The following TMEM65 variants were observed in gnomAD, a reference collection of about 807,000 sequenced individuals.
TMEM65 encodes transmembrane protein 65.
TMEM65 carries 22 observed loss-of-function variants against 25.4 expected under a neutral mutation model. That is an observed-to-expected ratio of 0.86 (90% CI 0.62 to 1.23). TMEM65 has a LOEUF of 1.23. Ranked by LOEUF, TMEM65 falls within the 50% of genes most tolerant of loss-of-function variation. TMEM65 has a pLI of 0.00. For synonymous variants in TMEM65, 132 were observed against 126.2 expected, an observed-to-expected ratio of 1.05 and a Z score of -0.31; for missense variants, 262 against 308.2, an observed-to-expected ratio of 0.85 and a Z score of 1.12.
chr8:124,341,563 A>G (rs1814583742), intron 1 of TMEM65, among the ~76,000 whole-genome samples: 1 of 152,060 alleles, frequency 6.6e-6, no homozygotes, highest in African/African-American at 2.4e-5. Flanking sequence ...TGTTTTACCA[A>G]AGTAATTTCT....
At chr8:124,354,976 A>G (rs955704209) in intron 1 of TMEM65, among the ~76,000 whole-genome samples, 1 of 152,218 alleles carries the variant, frequency 6.6e-6, no homozygotes, top group Non-Finnish European at 1.5e-5. Flanking sequence ...GTAAAAAGGA[A>G]TAAAAAAATT....
intron 1 of TMEM65, among the ~76,000 whole-genome samples, chr8:124,352,630 T>C (rs1042281885): frequency 2.0e-5 from 3 of 152,122 alleles, no homozygotes; most frequent in East Asian, 3.9e-4. Context: ...CCTTAAAGTA[T>C]TGCAGGATTT....
chr8:124,355,929 T>A (rs1814774437), intron 1 of TMEM65, among the ~76,000 whole-genome samples: 1 of 151,518 alleles, frequency 6.6e-6, no homozygotes, highest in African/African-American at 2.4e-5. Flanking sequence ...ACTGGGGGAG[T>A]CCACACCTTC....
intron 5 of TMEM65, among the ~76,000 whole-genome samples, chr8:124,321,522 G>GT (rs2131197036): frequency 6.6e-6 from 1 of 152,192 alleles, no homozygotes; most frequent in African/African-American, 2.4e-5. Flanking sequence ...TCCTTAGTTT[G>GT]TTTCATTATT....
At chr8:124,356,276 G>A (rs983687385) in intron 1 of TMEM65, among the ~76,000 whole-genome samples, 6 of 152,062 alleles carry the variant, frequency 3.9e-5, no homozygotes, top group African/African-American at 7.2e-5. Flanking sequence ...TTAGGATAGC[G>A]GGTAATCACT....
chr8:124,339,191 CAAAAAAAAAAAAAAAA>C, intron 1 of TMEM65, among the ~76,000 whole-genome samples: 1 of 43,564 alleles, frequency 2.3e-5, no homozygotes, highest in East Asian at 8.2e-4. Context: ...GACTCTGTCT[CAAAAAAAAAAAAAAAA>C]AAAAAAAAAA....
intron 1 of TMEM65, among the ~76,000 whole-genome samples, chr8:124,355,392 C>T (rs1708835856): frequency 6.6e-6 from 1 of 152,174 alleles, no homozygotes; most frequent in Non-Finnish European, 1.5e-5. Flanking sequence ...ATGCCTGAAG[C>T]TACTATCTAC....
In TMEM65 at chr8:124,372,138, A is replaced by C; in HGVS notation, c.20T>G (p.Leu7Arg). 8.4e-7 allele frequency: 1 copy of C among 1,194,874 alleles called. No individual in the cohort carries two copies. Among genetic ancestry groups the C allele is most frequent in the Non-Finnish European group, 1.0e-6 (1 of 958,960 alleles). The allele number at this position is 1,194,874 out of a possible 1,614,324, so 74.0% of individuals were successfully genotyped here. A position where few individuals can be genotyped will look rare whatever the true frequency, so the allele number is the denominator to read the frequency against. ...GCTGCGCGCGGTCCGGCTCCTCAGC[A>C]GCGGCAGCAGCCGGGACATGGCGAG... MSRLLP[L>R]LRSRTARSLR... The change falls in exon 1 of 7, where the codon CTG becomes CGG. Residue 7 changes from leucine to arginine, a missense_variant. Leu to Arg is a moderately radical substitution (Grantham distance 102). Transcript: ENST00000297632.
chr8:124,329,056 A>G (rs1814400933), intron 2 of TMEM65, among the ~76,000 whole-genome samples: 1 of 152,050 alleles, frequency 6.6e-6, no homozygotes, highest in African/African-American at 2.4e-5. Context: ...AATAGGTATA[A>G]AATAGGTCAT....
At chr8:124,338,854 T>C (rs544938915) in intron 1 of TMEM65, among the ~76,000 whole-genome samples, 19 of 152,202 alleles carry the variant, frequency 1.2e-4, no homozygotes, top group African/African-American at 4.3e-4. Flanking sequence ...CACAGTGAAT[T>C]GTAAGCTGAT....
rs1329888598 is a variant in TMEM65, at chr8:124,372,047, C to G, written c.111G>C (p.Gly37=). 8.2e-7 allele frequency: 1 copy of G among 1,217,348 alleles called. No individual in the cohort carries two copies. Among genetic ancestry groups the G allele is most frequent in the Non-Finnish European group, 1.0e-6 (1 of 978,116 alleles). 75.4% of individuals were successfully genotyped at this position (1,217,348 alleles called of 1,614,324 possible). A position where few individuals can be genotyped will look rare whatever the true frequency, so the allele number is the denominator to read the frequency against. Residue 37 remains glycine, a synonymous_variant, in exon 1 of 7, where the codon GGG becomes GGC. Transcript: ENST00000297632. ...CGCCGGGGGGCGCGAGCGCCAGCAG[C>G]CCCCGCCCGCAGCAGCACCAGGACG... ...RPPSWCCCGR[G]LLALAPPGGL... is the part of the protein sequence containing the mutation.
At chr8:124,352,717 TG>T (rs1396034225) in intron 1 of TMEM65, among the ~76,000 whole-genome samples, 1 of 151,734 alleles carries the variant, frequency 6.6e-6, no homozygotes, top group Non-Finnish European at 1.5e-5. Flanking sequence ...AAGAAATGAG[TG>T]AGGCAGGCAT....
intron 1 of TMEM65, among the ~76,000 whole-genome samples, chr8:124,371,466 G>A (rs1173548457): frequency 6.6e-6 from 1 of 152,226 alleles, no homozygotes; most frequent in African/African-American, 2.4e-5. Context: ...CCACCTGCAC[G>A]GGTGCACGCT....
chr8:124,314,412 A>G (rs1416363239), intron 6 of TMEM65, among the ~76,000 whole-genome samples: 4 of 152,194 alleles, frequency 2.6e-5, no homozygotes, highest in Non-Finnish European at 4.4e-5. Flanking sequence ...CTTCTTCAAC[A>G]TTATAAGTGA....
intron 1 of TMEM65, among the ~76,000 whole-genome samples, chr8:124,340,458 G>C (rs991567624): frequency 1.3e-5 from 2 of 152,136 alleles, no homozygotes; most frequent in Non-Finnish European, 2.9e-5. Context: ...AAGCTCACAC[G>C]ACTTGGGTAA....
chr8:124,370,608 T>A (rs1814999962), intron 1 of TMEM65, among the ~76,000 whole-genome samples: 1 of 152,228 alleles, frequency 6.6e-6, no homozygotes, highest in Admixed American at 6.5e-5. Context: ...TCATCCACTA[T>A]AAATTGGTCC....
chr8:124,350,444 C>T (rs1351705781), intron 1 of TMEM65, among the ~76,000 whole-genome samples: 3 of 144,612 alleles, frequency 2.1e-5, no homozygotes, highest in Non-Finnish European at 4.5e-5. Context: ...ATAACATACC[C>T]CTACACTCTC....
intron 1 of TMEM65, among the ~76,000 whole-genome samples, chr8:124,351,524 A>C (rs1814708109): frequency 6.6e-6 from 1 of 152,222 alleles, no homozygotes; most frequent in Admixed American, 6.5e-5. Flanking sequence ...TAGTCTTCTC[A>C]TATAACTTCT....
At chr8:124,325,747 C>G (rs953245821) in intron 3 of TMEM65, among the ~76,000 whole-genome samples, 1 of 151,980 alleles carries the variant, frequency 6.6e-6, no homozygotes, top group Non-Finnish European at 1.5e-5. Context: ...CTACAAATTA[C>G]TACAATAATT....
Sources: allele counts gnomAD v4.1 joint callset (sites outside exome capture counted in the v4.1 genomes callset), GRCh38; gene constraint gnomAD v4.1.1; transcripts MANE v1.5; gene names NCBI Gene and HGNC (gene_info 2026-07-23, HGNC 2026-07-21).